Variants in PKNOX2 observed in about 807,000 individuals in gnomAD.
PKNOX2 encodes the protein PBX/knotted 1 homeobox 2.
Under a neutral mutation model 53.1 loss-of-function variants are expected in PKNOX2, and 14 were observed. The observed-to-expected ratio is 0.26, with a 90% CI of 0.17 to 0.41. The LOEUF (loss-of-function observed/expected upper bound fraction) is 0.41, where lower values mean the gene tolerates loss of function less well. Ranked by LOEUF, PKNOX2 falls within the 10% of genes least tolerant of loss-of-function variation. The probability of loss-of-function intolerance (pLI) is 1.00; values close to 1 mark genes in which losing one functional copy is unlikely to be tolerated. For missense variants in PKNOX2, 496 were observed against 602.8 expected (o/e 0.82, Z 1.85); for synonymous variants, 257 against 242.8 (o/e 1.06, Z -0.54).
chr11:125,278,327 T>G (rs1353636688), intron 2 of PKNOX2, among the ~76,000 whole-genome samples: 3 of 152,132 alleles, frequency 2.0e-5, no homozygotes, highest in Admixed American at 6.5e-5. Context: ...CAGAAAGGGC[T>G]TCTGAGGAAA....
At chr11:125,221,921 C>T (rs1369869992) in intron 1 of PKNOX2, among the ~76,000 whole-genome samples, 1 of 152,218 alleles carries the variant, frequency 6.6e-6, no homozygotes, top group Non-Finnish European at 1.5e-5. Flanking sequence ...GAATCACTTG[C>T]TGTCGCCTGG....
At chr11:125,214,153 AAT>A (rs1361031651) in intron 1 of PKNOX2, among the ~76,000 whole-genome samples, 1 of 152,072 alleles carries the variant, frequency 6.6e-6, no homozygotes, top group Non-Finnish European at 1.5e-5. Flanking sequence ...GCCTGGCCCT[AAT>A]GTCTACGCTG....
chr11:125,249,487 C>CTT (rs1293358349), intron 2 of PKNOX2, among the ~76,000 whole-genome samples: 1 of 152,106 alleles, frequency 6.6e-6, no homozygotes, highest in Non-Finnish European at 1.5e-5. Flanking sequence ...CATGTGCAGA[C>CTT]TTTTTTCTTG....
chr11:125,261,488 G>A (rs1442149701), intron 2 of PKNOX2, among the ~76,000 whole-genome samples: 1 of 152,208 alleles, frequency 6.6e-6, no homozygotes, highest in East Asian at 1.9e-4. Context: ...GATCAGCCTT[G>A]TCTTCCTTTA....
chr11:125,417,342 G>A (rs571914590), intron 10 of PKNOX2, among the ~76,000 whole-genome samples: 1 of 152,144 alleles, frequency 6.6e-6, no homozygotes, highest in Admixed American at 6.5e-5. Context: ...TCTGTGTGCG[G>A]GGAGATCCTG....
At chr11:125,368,089 A>G in intron 5 of PKNOX2, 104 bp downstream of exon 5, 1 of 1,389,722 alleles carries the variant, frequency 7.2e-7, no homozygotes, top group Non-Finnish European at 9.6e-7. Flanking sequence ...GGCAGAGATG[A>G]CGGCCAATAG....
intron 2 of PKNOX2, among the ~76,000 whole-genome samples, chr11:125,250,467 G>A (rs900436648): frequency 7.2e-5 from 11 of 152,060 alleles, no homozygotes; most frequent in African/African-American, 1.7e-4. Context: ...CAAGAGCTCC[G>A]GTGCGCACAG....
chr11:125,271,993 C>T (rs1945825352), intron 2 of PKNOX2, among the ~76,000 whole-genome samples: 1 of 152,250 alleles, frequency 6.6e-6, no homozygotes, highest in Admixed American at 6.5e-5. Flanking sequence ...GGGCCATAGA[C>T]CTCTCAACGC....
intron 2 of PKNOX2, among the ~76,000 whole-genome samples, chr11:125,246,900 C>T (rs1943610032): frequency 6.6e-6 from 1 of 152,190 alleles, no homozygotes; most frequent in Non-Finnish European, 1.5e-5. Flanking sequence ...TCTCTCTCCT[C>T]CCTCTCTCAT....
rs146654051 is a variant in PKNOX2, at chr11:125,297,153, G to A, written c.-129-34666G>A. Among the ~76,000 whole-genome samples the A allele has an allele frequency of 8.7e-4, 132 of 152,262 alleles. 2 individuals are homozygous for A. The East Asian group carries it at 0.016, about 18-fold the overall frequency. The stretch of plus-strand genomic sequence containing the variant: ...ACTTATGTCATTTACTTTTCACAAC[G>A]ATCCATAGAGTATTATTCTTCCCAT... On this transcript the variant is annotated intron_variant, in intron 2 of 12. Coordinates refer to ENST00000298282, the MANE Select transcript of PKNOX2 (RefSeq NM_001382323.2).
At chr11:125,272,815 T>C (rs1945892121) in intron 2 of PKNOX2, among the ~76,000 whole-genome samples, 1 of 152,176 alleles carries the variant, frequency 6.6e-6, no homozygotes, top group Admixed American at 6.5e-5. Flanking sequence ...TCAGTGCTTT[T>C]TTGAAGCTGT....
At chr11:125,171,293 C>T (rs990613752) in intron 1 of PKNOX2, among the ~76,000 whole-genome samples, 2 of 152,158 alleles carry the variant, frequency 1.3e-5, no homozygotes, top group East Asian at 1.9e-4. Flanking sequence ...TCTTCTGTGT[C>T]CCCGGCACAG....
chr11:125,206,351 G>T (rs1939106015), intron 1 of PKNOX2, among the ~76,000 whole-genome samples: 1 of 152,074 alleles, frequency 6.6e-6, no homozygotes, highest in Admixed American at 6.5e-5. Context: ...AAATGTAGAG[G>T]AGGGGGTGTT....
chr11:125,165,330 C>T lies in PKNOX2; in HGVS notation c.-201+554C>T, dbSNP rs1954780832. ...GAGAATAGGAACAGGCACGCCGGCC[C>T]GAGCCCGGGTGCAGAAGGCTCCCGG... On this transcript the variant is annotated intron_variant, in intron 1 of 12. Transcript: ENST00000298282. This position sits in a 1 kb window ranked among gnomAD's most constrained non-coding sequence, Gnocchi z 4.5. Among the ~76,000 whole-genome samples the T allele has an allele frequency of 6.6e-6, 1 of 152,022 alleles. No individual in the cohort carries two copies. The highest frequency in any genetic ancestry group is 1.5e-5 in the Non-Finnish European group (1 of 67,946).
At chr11:125,189,447 G>GTGTATA (rs1256963392) in intron 1 of PKNOX2, among the ~76,000 whole-genome samples, 7 of 23,458 alleles carry the variant, frequency 3.0e-4, no homozygotes, top group African/African-American at 7.8e-4. Context: ...GTGTGTGTGT[G>GTGTATA]TATATATATA....
chr11:125,194,917 C>T (rs1440224512), intron 1 of PKNOX2, among the ~76,000 whole-genome samples: 1 of 152,156 alleles, frequency 6.6e-6, no homozygotes, highest in East Asian at 1.9e-4. Context: ...TCCAACATGC[C>T]AGTCATGACT....
In PKNOX2 at chr11:125,352,713, T is replaced by C. The variant is rs1951388434; in HGVS notation, c.87+1321T>C. Among the ~76,000 whole-genome samples the C allele has an allele frequency of 6.6e-6, 1 of 152,130 alleles. No homozygotes were observed. The highest frequency in any genetic ancestry group is 1.5e-5 in the Non-Finnish European group (1 of 68,018). On this transcript the variant is annotated intron_variant, in intron 4 of 12. Coordinates refer to ENST00000298282, the MANE Select transcript of PKNOX2 (RefSeq NM_001382323.2). The surrounding 1 kb of genome is among the most constrained non-coding windows in gnomAD (Gnocchi z 4.1). ...TCCAAAAGCCCTGGTCCTTCACCAATCTCTGAGCACATGTCTACGGCCCCG... is the reference window on the plus strand; with the variant it reads ...TCCAAAAGCCCTGGTCCTTCACCAACCTCTGAGCACATGTCTACGGCCCCG...
chr11:125,343,015 G>A (rs953181262), intron 3 of PKNOX2, among the ~76,000 whole-genome samples: 3 of 152,130 alleles, frequency 2.0e-5, no homozygotes, highest in African/African-American at 4.8e-5. Flanking sequence ...GGCAGAATCC[G>A]CTCTCTAGGT....
intron 3 of PKNOX2, among the ~76,000 whole-genome samples, chr11:125,333,265 T>C (rs1950238695): frequency 6.6e-6 from 1 of 152,132 alleles, no homozygotes; most frequent in African/African-American, 2.4e-5. Context: ...GGACTGAGAA[T>C]AGAACTGAGG....
Sources: gnomAD v4.1 joint callset for allele counts (sites outside exome capture counted in the v4.1 genomes callset) on GRCh38, gnomAD v4.1.1 for gene constraint, Gnocchi (gnomAD v3.1) non-coding constraint, MANE v1.5 for transcripts, NCBI Gene and HGNC (gene_info 2026-07-23, HGNC 2026-07-21) for gene names.